The following PDIA5 variants were observed in gnomAD, a reference collection of about 807,000 sequenced individuals.
PDIA5 encodes protein disulfide isomerase family A member 5.
A neutral mutation model predicts 77.6 loss-of-function variants in PDIA5; 58 were observed. That is an observed-to-expected ratio of 0.75 (90% CI 0.61 to 0.93). The LOEUF (loss-of-function observed/expected upper bound fraction) is 0.93. PDIA5 is among the 40% of genes least tolerant of loss of function. PDIA5 has a pLI of 0.00. For synonymous variants in PDIA5, 250 were observed against 252.1 expected (o/e 0.99, Z 0.08); for missense variants, 630 against 647.7 (o/e 0.97, Z 0.30).
chr3:123,080,458 A>G (rs191443232), intron 1 of PDIA5, among the ~76,000 whole-genome samples: 79 of 152,286 alleles, frequency 5.2e-4, no homozygotes, highest in Non-Finnish European at 1.0e-3. Context: ...CTTACCAGAA[A>G]AGGGCTGAGG....
At chr3:123,094,183 G>T (rs963257927) in intron 3 of PDIA5, among the ~76,000 whole-genome samples, 2 of 152,224 alleles carry the variant, frequency 1.3e-5, no homozygotes, top group Non-Finnish European at 2.9e-5. Context: ...TAAGACAGAA[G>T]GATGGACTAT....
Position 123,161,802 on chromosome 3 carries a change from G to A in PDIA5, c.1480-78G>A, listed in dbSNP as rs752754348. On this transcript the variant is annotated intron_variant, in intron 16 of 16. Coordinates refer to ENST00000316218, the MANE Select transcript of PDIA5 (RefSeq NM_006810.4). ...AGGAGTGACCCCCTGGAGGGGCTGG[G>A]GGTGTGGGGAGAGAGAGTGCACAGC... 3.8e-5 allele frequency: 36 copies of A among 944,750 alleles called. 1 individual carries two copies. The allele number at this position is 944,750 out of a possible 1,614,324, so 58.5% of individuals were successfully genotyped here. A position where few individuals can be genotyped will look rare whatever the true frequency, so the allele number is the denominator to read the frequency against.
At chr3:123,129,122 G>A (rs1401224144) in intron 10 of PDIA5, among the ~76,000 whole-genome samples, 1 of 152,220 alleles carries the variant, frequency 6.6e-6, no homozygotes, top group Non-Finnish European at 1.5e-5. Context: ...CAGGTGTATT[G>A]TAAAGATAAA....
In PDIA5 at chr3:123,154,991, G is replaced by A. The variant is rs774099945; in HGVS notation, c.1294G>A (p.Val432Ile). 2 of 1,612,402 alleles carry A rather than the reference G, an allele frequency of 1.2e-6. No individual in the cohort carries two copies. Among genetic ancestry groups the A allele is most frequent in the East Asian group, 4.5e-5 (2 of 44,866 alleles). ...YAPWCPHCKK[V>I]IPHFTATADA... ...CACAGGGTGCCCACACTGTAAGAAG[G>A]TCATTCCGCACTTTACTGCTACTGC... The change falls in exon 15 of 17, where the codon GTC becomes ATC. Residue 432 changes from valine (V) to isoleucine (I), a missense_variant. Coordinates refer to ENST00000316218, the MANE Select transcript of PDIA5 (RefSeq NM_006810.4).
intron 14 of PDIA5, among the ~76,000 whole-genome samples, chr3:123,154,316 C>T (rs1000014097): frequency 3.3e-5 from 5 of 152,152 alleles, no homozygotes; most frequent in African/African-American, 7.2e-5. Flanking sequence ...GGTGACTTCC[C>T]GTAGCTCCTC....
At chr3:123,106,398 G>A (rs1343375540) in intron 5 of PDIA5, among the ~76,000 whole-genome samples, 1 of 152,210 alleles carries the variant, frequency 6.6e-6, no homozygotes, top group African/African-American at 2.4e-5. Flanking sequence ...AGATTTAGTA[G>A]AAGCACTAGT....
Position 123,124,281 on chromosome 3 carries a change from G to A in PDIA5, c.711G>A (p.Arg237=), listed in dbSNP as rs980611914. 1 of 1,612,976 alleles carries A rather than the reference G, an allele frequency of 6.2e-7. No individual in the cohort carries two copies. Among genetic ancestry groups the A allele is most frequent in the Non-Finnish European group, 8.5e-7 (1 of 1,178,890 alleles). Residue 237 remains arginine (R), a synonymous_variant, in exon 10 of 17, where the codon CGG becomes CGA. Transcript: ENST00000316218. ...TCTCCACGTTTCACAGGAAAGGACG[G>A]TTCTTGTTCCAGTATGACAACTATG... The part of the protein sequence containing the change: ...FPTICYFEKG[R]FLFQYDNYGS...
intron 11 of PDIA5, among the ~76,000 whole-genome samples, chr3:123,140,045 G>A (rs921314546): frequency 2.6e-5 from 4 of 152,182 alleles, no homozygotes; most frequent in Admixed American, 1.3e-4. Flanking sequence ...TGGTCAGGGA[G>A]GGTCTCCTAG....
At chr3:123,091,093 A>C (rs1188747232) in intron 2 of PDIA5, among the ~76,000 whole-genome samples, 1 of 151,998 alleles carries the variant, frequency 6.6e-6, no homozygotes, top group Non-Finnish European at 1.5e-5. Context: ...GCTTCCCAGA[A>C]CCCAGTCCCA....
At chr3:123,122,206 G>A (rs1322808285) in intron 8 of PDIA5, among the ~76,000 whole-genome samples, 1 of 152,198 alleles carries the variant, frequency 6.6e-6, no homozygotes, top group Non-Finnish European at 1.5e-5. Flanking sequence ...GGGAAGTGAT[G>A]TAATGAGCGA....
chr3:123,096,861 G>A (rs959746848), intron 3 of PDIA5, among the ~76,000 whole-genome samples: 1 of 152,234 alleles, frequency 6.6e-6, no homozygotes, highest in Non-Finnish European at 1.5e-5. Flanking sequence ...GCTGGGGCTC[G>A]GGCTTGGCGT....
intron 3 of PDIA5, among the ~76,000 whole-genome samples, chr3:123,094,709 G>A (rs1316644015): frequency 5.3e-5 from 8 of 152,256 alleles, no homozygotes; most frequent in Admixed American, 5.2e-4. Context: ...CGAGGAACGA[G>A]TAGGTGGCAC....
At chr3:123,115,045 C>T (rs957878436) in intron 7 of PDIA5, among the ~76,000 whole-genome samples, 10 of 152,166 alleles carry the variant, frequency 6.6e-5, no homozygotes, top group Admixed American at 1.3e-4. Context: ...TCTGGCTTCA[C>T]GGCCTGTCTA....
intron 3 of PDIA5, among the ~76,000 whole-genome samples, chr3:123,093,035 G>A (rs900097361): frequency 3.3e-5 from 5 of 152,148 alleles, no homozygotes; most frequent in South Asian, 4.1e-4. Context: ...CAGGTTAAGC[G>A]AGCTTTTATG....
intron 3 of PDIA5, among the ~76,000 whole-genome samples, chr3:123,101,750 C>T (rs1054867018): frequency 3.9e-5 from 6 of 152,086 alleles, no homozygotes; most frequent in Non-Finnish European, 5.9e-5. Context: ...TTCTAAAGAA[C>T]GGCCAGGATT....
At chr3:123,113,321 G>A in intron 7 of PDIA5, among the ~76,000 whole-genome samples, 1 of 152,168 alleles carries the variant, frequency 6.6e-6, no homozygotes, top group Non-Finnish European at 1.5e-5. Context: ...CGGGCAGTTT[G>A]CGCCCGTGTG....
At position 123,137,197 on chromosome 3, in the gene PDIA5, T is replaced by A. The variant is rs187168216; in HGVS notation, c.910+6581T>A. Among the ~76,000 whole-genome samples the A allele has an allele frequency of 3.9e-5, 6 of 152,342 alleles. No individual in the cohort carries two copies. The East Asian group carries it at 1.2e-3, about 29-fold the overall frequency. On this transcript the variant is annotated intron_variant, in intron 11 of 16. Transcript: ENST00000316218. ...CCTTTGTCCTTGCAGCCATGGATACTATCTGCCTTTTATATTTCTGCTAAG... is the reference window on the plus strand; with the variant it reads ...CCTTTGTCCTTGCAGCCATGGATACAATCTGCCTTTTATATTTCTGCTAAG...
Position 123,102,449 on chromosome 3 carries a change from T to C in PDIA5, c.296T>C (p.Val99Ala), listed in dbSNP as rs746947039. 6 of 1,614,138 alleles carry C rather than the reference T, an allele frequency of 3.7e-6. No individual in the cohort carries two copies. Among genetic ancestry groups the C allele is most frequent in the Non-Finnish European group, 5.1e-6 (6 of 1,179,940 alleles). Residue 99 changes from valine (V) to alanine (A), a missense_variant, in exon 4 of 17, where the codon GTT (valine) becomes GCT (alanine). Val to Ala is a moderately conservative substitution (Grantham distance 64). Transcript: ENST00000316218. ...AGAAAATTGTGCAAGAAGATGAAAG[T>C]TGACCTGAGCCCGAAGGACAAAAAG... The part of the protein sequence containing the change: ...ESRKLCKKMK[V>A]DLSPKDKKVE...
intron 5 of PDIA5, among the ~76,000 whole-genome samples, chr3:123,105,801 T>C (rs1934714473): frequency 6.6e-6 from 1 of 151,706 alleles, no homozygotes; most frequent in South Asian, 2.1e-4. Context: ...TGGAGCGTGG[T>C]CAAAGTTGAC....
Sources: gnomAD v4.1 joint callset for allele counts (sites outside exome capture counted in the v4.1 genomes callset) on GRCh38, gnomAD v4.1.1 for gene constraint, MANE v1.5 for transcripts, NCBI Gene and HGNC (gene_info 2026-07-23, HGNC 2026-07-21) for gene names.